TBCK: variants seen among roughly 807,000 people sequenced by gnomAD.
The protein encoded by TBCK is TBC domain-containing protein kinase-like protein.
In TBCK, 99 loss-of-function variants were observed where a neutral mutation model predicts 113.4. That is an observed-to-expected ratio of 0.87 (90% CI 0.74 to 1.03). The LOEUF is 1.03. Ranked by LOEUF, TBCK falls within the 50% of genes least tolerant of loss-of-function variation. The pLI, the probability that TBCK is intolerant of heterozygous loss-of-function variation, is 0.00. For synonymous variants in TBCK, 369 were observed against 370.8 expected (o/e 1.00, Z 0.05); for missense variants, 1,045 against 1,061.3 (o/e 0.98, Z 0.21).
chr4:106,185,389 A>G (rs1241311844), intron 22 of TBCK, among the ~76,000 whole-genome samples: 2 of 152,066 alleles, frequency 1.3e-5, no homozygotes, highest in Admixed American at 6.6e-5. Flanking sequence ...AGTGCACACC[A>G]TATCATTAAC....
At chr4:106,153,823 T>C (rs928114825) in intron 23 of TBCK, among the ~76,000 whole-genome samples, 1 of 152,120 alleles carries the variant, frequency 6.6e-6, no homozygotes, top group African/African-American at 2.4e-5. Flanking sequence ...TCGTCTCTTC[T>C]TAGAGTTTTT....
At chr4:106,260,668 AT>A (rs1402083656) in intron 4 of TBCK, among the ~76,000 whole-genome samples, 158 bp from the exon 5 acceptor site, 1 of 151,896 alleles carries the variant, frequency 6.6e-6, no homozygotes, top group African/African-American at 2.4e-5. Flanking sequence ...AAAAATCATA[AT>A]TTTATAAAAA....
rs556875654 is a variant in TBCK at position 106,221,857 on chromosome 4, G to A, written c.1774+8506C>T. On this transcript the variant is annotated intron_variant, in intron 19 of 25. Transcript: ENST00000394708. ...GAGAGAGATGATTGAAAACCTACCT[G>A]TCTGGTACTATGCTTATTACCTGGG... 1.6e-4 allele frequency among the ~76,000 whole-genome samples: 25 copies of A among 152,094 alleles called. 1 individual carries two copies. The highest frequency in any genetic ancestry group is 5.3e-4 in the African/African-American group (22 of 41,524).
chr4:106,205,531 G>GTCA (rs1040937897), intron 20 of TBCK, among the ~76,000 whole-genome samples: 2 of 132,736 alleles, frequency 1.5e-5, no homozygotes, highest in African/African-American at 5.7e-5. Context: ...ATCACTTGAA[G>GTCA]TCAGGAGTTC....
At chr4:106,191,565 A>G (rs1753667503) in intron 22 of TBCK, among the ~76,000 whole-genome samples, 2 of 152,220 alleles carry the variant, frequency 1.3e-5, no homozygotes, top group African/African-American at 2.4e-5. Flanking sequence ...GGAAAATGTC[A>G]TTCCTGTTCA....
In TBCK at chr4:106,123,786, C is replaced by G. The variant is rs1744774559; in HGVS notation, c.2236-7408G>C. 2.7e-5 allele frequency among the ~76,000 whole-genome samples: 4 copies of G among 150,028 alleles called. No individual in the cohort carries two copies. In the South Asian group the frequency reaches 8.5e-4, roughly 32 times the overall value. ...TATTTAATAAATGGTGCTGGGAAAA[C>G]TGGCTAGCCATATGTAGAAAGCTGA... On this transcript the variant is annotated intron_variant, in intron 23 of 25. Coordinates refer to ENST00000394708, the MANE Select transcript of TBCK (RefSeq NM_001163435.3).
intron 25 of TBCK, among the ~76,000 whole-genome samples, chr4:106,056,001 A>G (rs916867218): frequency 2.0e-5 from 3 of 150,894 alleles, no homozygotes; most frequent in Non-Finnish European, 3.0e-5. Context: ...CCTTTTTTTC[A>G]TGTTCTGTAG....
chr4:106,275,546 C>G (rs918278659), intron 3 of TBCK, among the ~76,000 whole-genome samples: 1 of 152,040 alleles, frequency 6.6e-6, no homozygotes, highest in African/African-American at 2.4e-5. Context: ...CACCAAAAAA[C>G]TATTTCAACT....
intron 3 of TBCK, among the ~76,000 whole-genome samples, chr4:106,290,438 A>C (rs961717630): frequency 7.2e-5 from 11 of 152,162 alleles, no homozygotes; most frequent in Non-Finnish European, 1.6e-4. Flanking sequence ...GGCCTCCCAA[A>C]GTGCTGGGAT....
At chr4:106,071,982 T>C (rs1234579342) in intron 25 of TBCK, among the ~76,000 whole-genome samples, 1 of 152,200 alleles carries the variant, frequency 6.6e-6, no homozygotes, top group East Asian at 1.9e-4. Flanking sequence ...ATTTTGAGCC[T>C]ATGTGTGTCT....
chr4:106,292,421 T>A (rs540672024), intron 3 of TBCK, among the ~76,000 whole-genome samples: 7 of 151,826 alleles, frequency 4.6e-5, no homozygotes, highest in Admixed American at 3.3e-4. Flanking sequence ...AATAAAAAAA[T>A]TAGCAAGGCA....
intron 23 of TBCK, among the ~76,000 whole-genome samples, chr4:106,124,551 C>T (rs1021231896): frequency 1.2e-4 from 18 of 152,028 alleles, no homozygotes; most frequent in African/African-American, 1.9e-4. Flanking sequence ...CACATGCACA[C>T]GTATGTTTAT....
chr4:106,060,346 G>A (rs768472376), intron 25 of TBCK, among the ~76,000 whole-genome samples: 1 of 151,852 alleles, frequency 6.6e-6, no homozygotes, highest in Non-Finnish European at 1.5e-5. Flanking sequence ...AATGTAGATG[G>A]TGACTTTCAG....
At chr4:106,210,564 C>T (rs1560825368) in intron 20 of TBCK, among the ~76,000 whole-genome samples, 2 of 152,150 alleles carry the variant, frequency 1.3e-5, no homozygotes, top group Admixed American at 6.5e-5. Flanking sequence ...CTAAATAATG[C>T]TAAAACATTA....
intron 3 of TBCK, among the ~76,000 whole-genome samples, chr4:106,263,594 T>A (rs1399047805): frequency 2.6e-5 from 4 of 151,870 alleles, no homozygotes; most frequent in Non-Finnish European, 4.4e-5. Context: ...GTTACATAAT[T>A]TTGTTTATCA....
intron 2 of TBCK, among the ~76,000 whole-genome samples, chr4:106,307,898 T>C (rs1767700170): frequency 6.6e-6 from 1 of 151,954 alleles, no homozygotes; most frequent in South Asian, 2.1e-4. Context: ...TTTTAACCAA[T>C]AGGGTTCAAC....
chr4:106,096,556 C>T (rs1317083672), intron 24 of TBCK, among the ~76,000 whole-genome samples: 1 of 152,084 alleles, frequency 6.6e-6, no homozygotes, highest in Non-Finnish European at 1.5e-5. Flanking sequence ...CTGTAGCAGA[C>T]ATGTTTGGGC....
chr4:106,208,173 C>T (rs1401302060), intron 20 of TBCK, among the ~76,000 whole-genome samples: 1 of 152,116 alleles, frequency 6.6e-6, no homozygotes, highest in East Asian at 1.9e-4. Flanking sequence ...CAGCAGGAGG[C>T]AGAAAAATCC....
chr4:106,043,046 C>A lies in TBCK; in HGVS notation c.*3524G>T, dbSNP rs1006372713. ...TATGTCTTCTATTCCTATATGTATT[C>A]CAAAACCTGAGTTCTTGGGGCTTAT... On this transcript the variant is annotated 3_prime_UTR_variant, in exon 26 of 26. Transcript: ENST00000394708. 1 of 152,188 alleles carries A rather than the reference C, an allele frequency of 6.6e-6. No individual in the cohort carries two copies. 9.4% of individuals were successfully genotyped at this position (152,188 alleles called of 1,614,324 possible). A position where few individuals can be genotyped will look rare whatever the true frequency, so the allele number is the denominator to read the frequency against.
Sources: allele counts gnomAD v4.1 joint callset (sites outside exome capture counted in the v4.1 genomes callset), GRCh38; gene constraint gnomAD v4.1.1; transcripts MANE v1.5; gene names NCBI Gene and HGNC (gene_info 2026-07-23, HGNC 2026-07-21).